LIFR: variants seen among roughly 807,000 people sequenced by gnomAD.
LIFR encodes the protein LIF receptor subunit alpha, also known as leukemia inhibitory factor receptor.
Under a neutral mutation model 122.2 loss-of-function variants are expected in LIFR, and 84 were observed. That is an observed-to-expected ratio of 0.69 (90% confidence interval 0.58 to 0.82). The LOEUF (loss-of-function observed/expected upper bound fraction) is 0.82, where lower values mean the gene tolerates loss of function less well. LIFR is among the 40% of genes least tolerant of loss of function. The pLI, the probability that LIFR is intolerant of heterozygous loss-of-function variation, is 0.00. For synonymous variants in LIFR, 422 were observed against 434.7 expected (o/e 0.97, Z 0.36); for missense variants, 1,294 against 1,311.6 (o/e 0.99, Z 0.21).
At chr5:38,500,415 G>A (rs768775470) in intron 11 of LIFR, among the ~76,000 whole-genome samples, 5 of 152,154 alleles carry the variant, frequency 3.3e-5, no homozygotes, top group South Asian at 2.1e-4. Context: ...AAATATCTTG[G>A]AGGATGGGAT....
upstream of LIFR, among the ~76,000 whole-genome samples, chr5:38,597,282 T>C (rs1407911518): frequency 6.6e-6 from 1 of 152,160 alleles, no homozygotes; most frequent in Non-Finnish European, 1.5e-5. Flanking sequence ...ACAGGATTAG[T>C]TGTAATGAGA....
intron 2 of LIFR, among the ~76,000 whole-genome samples, chr5:38,601,619 C>T (rs1750223863): frequency 6.6e-6 from 1 of 152,174 alleles, no homozygotes; most frequent in Non-Finnish European, 1.5e-5. Flanking sequence ...TGAGGCCTTG[C>T]CAGATCCTTC....
rs75955497 is a variant in LIFR at position 38,538,876 on chromosome 5, A to T, written c.-19-8210T>A. Among the ~76,000 whole-genome samples the T allele has an allele frequency of 5.8e-3, 888 of 152,308 alleles. 12 individuals are homozygous for T. Among genetic ancestry groups the T allele is most frequent in the African/African-American group, 0.02 (837 of 41,566 alleles). ...GGCTGGCCCACCAACAGCTCAGACA[A>T]CCGTCCACACTAAAATTCACACGTC... is the stretch of plus-strand genomic sequence containing the variant. On this transcript the variant is annotated intron_variant, in intron 1 of 19. Transcript: ENST00000453190.
At chr5:38,595,796 G>A (rs1472882207), upstream of LIFR, among the ~76,000 whole-genome samples, 1 of 137,498 alleles carries the variant, frequency 7.3e-6, no homozygotes, top group African/African-American at 2.7e-5. Flanking sequence ...GCAGCGGCTC[G>A]ATCTCGGCTC....
intron 1 of LIFR, among the ~76,000 whole-genome samples, chr5:38,553,160 T>G (rs1748296584): frequency 6.6e-6 from 1 of 152,156 alleles, no homozygotes; most frequent in Admixed American, 6.5e-5. Context: ...TCAGTCCTGC[T>G]CCAGGGCCTT....
rs1745740654 is a variant in LIFR at position 38,510,539 on chromosome 5, C to T, written c.916G>A (p.Val306Ile). Reference sequence around the variant, plus strand: ...ACATTTGTTCCACTACTTGCAGAAACAGAAATATTACGAATCTTGATTGCA... The same window carrying T: ...ACATTTGTTCCACTACTTGCAGAAATAGAAATATTACGAATCTTGATTGCA... Reference protein sequence around the residue: ...NVAIKIRNISVSASSGTNVVF... With the variant: ...NVAIKIRNISISASSGTNVVF... Residue 306 changes from valine to isoleucine, a missense_variant, in exon 7 of 20, where the codon GTT (valine) becomes ATT (isoleucine). Coordinates refer to ENST00000453190, the MANE Select transcript of LIFR (RefSeq NM_001127671.2). 3.7e-6 allele frequency: 6 copies of T among 1,613,816 alleles called. No individual in the cohort carries two copies. The highest frequency in any genetic ancestry group is 5.1e-6 in the Non-Finnish European group (6 of 1,179,924).
intron 1 of LIFR, among the ~76,000 whole-genome samples, chr5:38,584,652 C>A (rs1749690839): frequency 1.3e-5 from 2 of 151,808 alleles, no homozygotes; most frequent in African/African-American, 2.4e-5. Context: ...TATGTGGAAT[C>A]TTAAAACAGA....
chr5:38,510,393 G>A, intron 7 of LIFR, 71 bp downstream of exon 7: 1 of 1,376,152 alleles, frequency 7.3e-7, no homozygotes, highest in South Asian at 1.2e-5. Context: ...CCCCACTCCA[G>A]AAGAATTAAG....
chr5:38,569,448 C>T (rs1025283093), intron 1 of LIFR, among the ~76,000 whole-genome samples: 1 of 152,000 alleles, frequency 6.6e-6, no homozygotes, highest in Admixed American at 6.6e-5. Flanking sequence ...TGAGCTCCAC[C>T]TCCTGTCAGA....
intron 5 of LIFR, 106 bp from the exon 6 acceptor site, chr5:38,512,070 TTA>T: frequency 8.9e-7 from 1 of 1,121,194 alleles, no homozygotes; most frequent in Non-Finnish European, 1.3e-6. Context: ...TCAGCTAAGT[TTA>T]TGTTTTGTCC....
upstream of LIFR, among the ~76,000 whole-genome samples, chr5:38,598,245 A>ATT (rs1396004381): frequency 6.4e-5 from 3 of 46,794 alleles, 1 homozygote; most frequent in Non-Finnish European, 1.1e-4. Flanking sequence ...TTATTTATTT[A>ATT]TTTTTTTTTT....
intron 10 of LIFR, among the ~76,000 whole-genome samples, 162 bp from the exon 11 acceptor site, chr5:38,502,961 C>T (rs2112458621): frequency 6.6e-6 from 1 of 152,118 alleles, no homozygotes; most frequent in Non-Finnish European, 1.5e-5. Flanking sequence ...ACACCCAAAG[C>T]AGTTTATCCA....
intron 1 of LIFR, among the ~76,000 whole-genome samples, chr5:38,577,342 T>C (rs532466743): frequency 6.6e-6 from 1 of 152,326 alleles, no homozygotes; most frequent in East Asian, 1.9e-4. Context: ...TCGCTCTGCC[T>C]ACCCACCTAC....
chr5:38,564,240 AT>A (rs5867412), intron 1 of LIFR, among the ~76,000 whole-genome samples: 22 of 146,954 alleles, frequency 1.5e-4, no homozygotes, highest in East Asian at 4.0e-4. Flanking sequence ...CCATGATTGG[AT>A]TTTTTTTTTT....
chr5:38,564,939 AATTTTTTGT>A (rs1486957601), intron 1 of LIFR, among the ~76,000 whole-genome samples: 1 of 151,814 alleles, frequency 6.6e-6, no homozygotes. Context: ...ATGCCTGGCT[AATTTTTTGT>A]ATTTTTAGTA....
Position 38,523,587 on chromosome 5 carries a change from AAAAAGAGGAAAC to A in LIFR, c.398-17_398-6del. ...CTGGAGTATCTGGAATTAAGGCTTT[AAAAAGAGGAAAC>A]AAAAGAGAAAACTTAGTAAAATAAG... On this transcript the variant is annotated splice_region_variant and splice_polypyrimidine_tract_variant and intron_variant, in intron 4 of 19. Transcript: ENST00000453190. The A allele has an allele frequency of 6.2e-7, 1 of 1,609,426 alleles. No homozygotes were observed. The highest frequency in any genetic ancestry group is 2.2e-5 in the East Asian group (1 of 44,794).
At chr5:38,608,161 C>G (rs1216466947) in exon 1 of LIFR, 3 of 152,134 alleles carry the variant, frequency 2.0e-5, no homozygotes, top group African/African-American at 7.2e-5. Flanking sequence ...CCACAAGAAT[C>G]TCCTGGTTGC....
At chr5:38,482,735 C>G in intron 18 of LIFR, 68 bp from the exon 19 acceptor site, 1 of 661,818 alleles carries the variant, frequency 1.5e-6, no homozygotes. Flanking sequence ...ATTAATAAAT[C>G]ATTAGGCTTA....
At chr5:38,492,755 C>A (rs1006324711) in intron 14 of LIFR, among the ~76,000 whole-genome samples, 6 of 152,186 alleles carry the variant, frequency 3.9e-5, no homozygotes, top group African/African-American at 1.2e-4. Flanking sequence ...CTCTTCTGCA[C>A]TTCCCTAACA....
Sources: gnomAD v4.1 joint callset for allele counts (sites outside exome capture counted in the v4.1 genomes callset) on GRCh38, gnomAD v4.1.1 for gene constraint, MANE v1.5 for transcripts, NCBI Gene and HGNC (gene_info 2026-07-23, HGNC 2026-07-21) for gene names.